Variants in TRIP12 observed in about 807,000 individuals in gnomAD.
TRIP12 encodes thyroid hormone receptor interactor 12, also known as E3 ubiquitin-protein ligase TRIP12.
A neutral mutation model predicts 244.2 loss-of-function variants in TRIP12; 25 were observed. That is an observed-to-expected ratio of 0.10 (90% CI 0.07 to 0.14). The LOEUF is 0.14. Among genes scored for constraint, TRIP12 ranks in the 10% least tolerant of loss-of-function variants. The pLI is 1.00. For synonymous variants in TRIP12, 905 were observed against 873.1 expected, an observed-to-expected ratio of 1.04 and a Z score of -0.64; for missense variants, 1,677 against 2,486.4, an observed-to-expected ratio of 0.67 and a Z score of 6.92.
chr2:229,781,449 C>T (rs1020260901), intron 34 of TRIP12, among the ~76,000 whole-genome samples: 3 of 152,204 alleles, frequency 2.0e-5, no homozygotes, highest in African/African-American at 7.2e-5. Flanking sequence ...GGCAGCTGCA[C>T]TAATTATGTA....
Position 229,893,261 on chromosome 2 carries a change from C to T in TRIP12, c.-49-13133G>A, listed in dbSNP as rs181751304. Among the ~76,000 whole-genome samples the T allele has an allele frequency of 5.4e-4, 82 of 152,326 alleles. 1 individual carries two copies. In the East Asian group the frequency reaches 0.012, roughly 22 times the overall value. The stretch of plus-strand genomic sequence containing the variant: ...AAAGTAAGTTGCAGGCACCATTATA[C>T]TTTATGTATCATAAAACAGTTTCCA... On this transcript the variant is annotated intron_variant, in intron 1 of 41. Coordinates refer to ENST00000675903, the MANE Select transcript of TRIP12 (RefSeq NM_001348323.3).
At chr2:229,901,176 C>G (rs773133161) in intron 1 of TRIP12, among the ~76,000 whole-genome samples, 1 of 150,976 alleles carries the variant, frequency 6.6e-6, no homozygotes, top group Non-Finnish European at 1.5e-5. Flanking sequence ...TCAGGTAATC[C>G]GCCTGCCTCA....
At chr2:229,854,209 T>A (rs1345332642) in intron 4 of TRIP12, among the ~76,000 whole-genome samples, 1 of 152,192 alleles carries the variant, frequency 6.6e-6, no homozygotes, top group Non-Finnish European at 1.5e-5. Context: ...CAGTCTCCAA[T>A]GTTTATTACT....
At chr2:229,786,882 G>A (rs564367356) in intron 33 of TRIP12, among the ~76,000 whole-genome samples, 34 of 152,080 alleles carry the variant, frequency 2.2e-4, no homozygotes, top group Admixed American at 6.6e-4. Context: ...AATCCCTAGC[G>A]GAAAAAAACA....
At chr2:229,839,532 A>G (rs1191019061) in intron 5 of TRIP12, among the ~76,000 whole-genome samples, 3 of 152,016 alleles carry the variant, frequency 2.0e-5, no homozygotes, top group Non-Finnish European at 4.4e-5. Context: ...AAAAAAAATT[A>G]GCTGGGCATG....
chr2:229,792,175 T>A lies in TRIP12; in HGVS notation c.4193A>T (p.Asp1398Val). The A allele has an allele frequency of 6.2e-7, 1 of 1,614,074 alleles. No homozygotes were observed. Among genetic ancestry groups the A allele is most frequent in the Non-Finnish European group, 8.5e-7 (1 of 1,179,966 alleles). ...DDEDSDDDGSDEEIDESLAAQ... is the reference protein window; with the variant it reads ...DDEDSDDDGSVEEIDESLAAQ... The stretch of plus-strand genomic sequence containing the variant: ...TACCAGAGACTCATCTATTTCCTCA[T>A]CTGATCCATCGTCATCGCTGTCTTC... The change falls in exon 28 of 42, where the codon GAT (aspartate) becomes GTT (valine). Residue 1398 changes from aspartate (D) to valine (V), a missense_variant. Asp to Val is a radical substitution (Grantham distance 152). This residue lies in a region of TRIP12 where 265 missense variants were observed against 370.8 expected (regional missense o/e 0.71). Transcript: ENST00000675903.
chr2:229,822,597 G>C (rs1409183887), intron 8 of TRIP12, among the ~76,000 whole-genome samples: 1 of 152,160 alleles, frequency 6.6e-6, no homozygotes, highest in Non-Finnish European at 1.5e-5. Context: ...ATTTTTGGTA[G>C]AGAAAAAAGA....
At chr2:229,869,333 C>T (rs1187545702) in intron 2 of TRIP12, among the ~76,000 whole-genome samples, 1 of 152,166 alleles carries the variant, frequency 6.6e-6, no homozygotes, top group Non-Finnish European at 1.5e-5. Flanking sequence ...TTGTTGAACA[C>T]CTACCACTTA....
At chr2:229,898,016 A>C (rs1049239338) in intron 1 of TRIP12, among the ~76,000 whole-genome samples, 10 of 152,250 alleles carry the variant, frequency 6.6e-5, no homozygotes, top group Admixed American at 1.3e-4. Context: ...GTTTGGCATT[A>C]TAATGGCTGT....
intron 4 of TRIP12, among the ~76,000 whole-genome samples, chr2:229,850,255 TTAAA>T (rs2058399992): frequency 6.6e-6 from 1 of 152,242 alleles, no homozygotes; most frequent in South Asian, 2.1e-4. Context: ...GTATTTACAA[TTAAA>T]TGATCTCTTT....
At chr2:229,825,991 A>G (rs1216616316) in intron 8 of TRIP12, among the ~76,000 whole-genome samples, 1 of 152,238 alleles carries the variant, frequency 6.6e-6, no homozygotes, top group Non-Finnish European at 1.5e-5. Context: ...CAAACATGTT[A>G]AAAAGCAAAA....
In TRIP12 at chr2:229,776,698, C is replaced by T. The variant is rs141887441; in HGVS notation, c.5529+617G>A. Among the ~76,000 whole-genome samples the T allele has an allele frequency of 5.7e-3, 874 of 152,110 alleles. 8 individuals are homozygous for T. Among genetic ancestry groups the T allele is most frequent in the African/African-American group, 0.019 (796 of 41,520 alleles). ...CCCAAACAAGCTTTTTGGGTCTGTG[C>T]CACAAAAAAATAGAATCTTGTTTTC... On this transcript the variant is annotated intron_variant, in intron 37 of 41. Transcript: ENST00000675903.
At chr2:229,906,766 G>A (rs913229910) in intron 1 of TRIP12, among the ~76,000 whole-genome samples, 2 of 150,106 alleles carry the variant, frequency 1.3e-5, no homozygotes, top group African/African-American at 4.9e-5. Context: ...TTATCCTCTA[G>A]CGATTAAAAA....
Position 229,811,151 on chromosome 2 carries a change from G to A in TRIP12, c.2040C>T (p.Asn680=). Residue 680 remains asparagine (N), a synonymous_variant, in exon 14 of 42, where the codon AAC becomes AAT. Coordinates refer to ENST00000675903, the MANE Select transcript of TRIP12 (RefSeq NM_001348323.3). The part of the protein sequence containing the change: ...TCLCFARLVD[N]FQHEENLLQQ... ...AAACACTTACCTCCTCATGCTGGAA[G>A]TTGTCCACTAGGCGTGCAAAACAAA... 1 of 1,614,026 alleles carries A rather than the reference G, an allele frequency of 6.2e-7. No homozygotes were observed. Among genetic ancestry groups the A allele is most frequent in the Non-Finnish European group, 8.5e-7 (1 of 1,179,990 alleles).
chr2:229,806,976 C>T (rs745475098), intron 17 of TRIP12, among the ~76,000 whole-genome samples: 1 of 152,130 alleles, frequency 6.6e-6, no homozygotes, highest in Non-Finnish European at 1.5e-5. Flanking sequence ...ACACAGTGAT[C>T]AACACCTCCT....
intron 4 of TRIP12, among the ~76,000 whole-genome samples, chr2:229,856,623 A>T (rs1053170896): frequency 1.1e-4 from 16 of 152,198 alleles, no homozygotes; most frequent in African/African-American, 3.6e-4. Context: ...GCAGAAGGGG[A>T]AGTGAATCCT....
intron 1 of TRIP12, among the ~76,000 whole-genome samples, chr2:229,918,302 A>ATG (rs761328806): frequency 2.0e-5 from 3 of 152,230 alleles, no homozygotes; most frequent in Non-Finnish European, 4.4e-5. Flanking sequence ...TTCAGTGAAG[A>ATG]TTAAAAAACC....
chr2:229,809,481 TAAAAC>T (rs1275000245), intron 15 of TRIP12, among the ~76,000 whole-genome samples: 3 of 152,168 alleles, frequency 2.0e-5, no homozygotes, highest in Non-Finnish European at 4.4e-5. Context: ...AAAAAAATGT[TAAAAC>T]AAAAGGCAGG....
chr2:229,867,147 AG>A (rs1249419517), intron 2 of TRIP12, among the ~76,000 whole-genome samples: 1 of 132,928 alleles, frequency 7.5e-6, no homozygotes, highest in African/African-American at 2.8e-5. Flanking sequence ...CAGACAGGGA[AG>A]GTTTTTTTTT....
Sources: allele counts gnomAD v4.1 joint callset (sites outside exome capture counted in the v4.1 genomes callset), GRCh38; gene constraint gnomAD v4.1.1; regional missense constraint gnomAD v4.1.1; transcripts MANE v1.5; gene names NCBI Gene and HGNC (gene_info 2026-07-23, HGNC 2026-07-21).